Variants in RTP2 observed in about 807,000 individuals in gnomAD.
RTP2 encodes the protein receptor-transporting protein 2.
A neutral mutation model predicts 17.9 loss-of-function variants in RTP2; 12 were observed. The observed-to-expected ratio is 0.67, with a 90% CI of 0.43 to 1.09. The LOEUF (loss-of-function observed/expected upper bound fraction) is 1.09. RTP2 is among the 50% of genes least tolerant of loss of function. The probability of loss-of-function intolerance (pLI) is 0.00; values close to 1 mark genes in which losing one functional copy is unlikely to be tolerated. For synonymous variants in RTP2, 126 were observed against 117.7 expected, an observed-to-expected ratio of 1.07 and a Z score of -0.46; for missense variants, 327 against 295.7, an observed-to-expected ratio of 1.11 and a Z score of -0.78.
intron 1 of RTP2, 62 bp downstream of exon 1, chr3:187,701,903 A>G (rs1016236632): frequency 1.4e-6 from 2 of 1,449,576 alleles, no homozygotes; most frequent in Non-Finnish European, 1.8e-6. Context: ...TCTCCTTGGA[A>G]AGTACCCCAC....
chr3:187,710,226 T>C, the RTP2 span, among the ~76,000 whole-genome samples: 1 of 152,112 alleles, frequency 6.6e-6, no homozygotes, highest in Non-Finnish European at 1.5e-5. Context: ...CAGGCTGGAA[T>C]CTACAAGATC....
chr3:187,700,957 C>G (rs929902420), intron 1 of RTP2, among the ~76,000 whole-genome samples: 4 of 152,188 alleles, frequency 2.6e-5, no homozygotes, highest in African/African-American at 9.7e-5. Context: ...AACGTAAGCT[C>G]CCTACCCACA....
chr3:187,698,400 T>G, exon 2 of RTP2: 1 of 1,065,546 alleles, frequency 9.4e-7, no homozygotes, highest in Non-Finnish European at 1.3e-6. Flanking sequence ...GTGACCGGAT[T>G]GTCCAGTCAT....
chr3:187,702,909 CA>C (rs752719969), upstream of RTP2, among the ~76,000 whole-genome samples: 1 of 152,082 alleles, frequency 6.6e-6, no homozygotes, highest in African/African-American at 2.4e-5. Context: ...AATAACATTT[CA>C]GATTCATAGC....
chr3:187,711,402 G>T, the RTP2 span, among the ~76,000 whole-genome samples: 3 of 152,196 alleles, frequency 2.0e-5, no homozygotes, highest in Admixed American at 2.0e-4. Flanking sequence ...CCGGTTAGAA[G>T]TAAACTCTCA....
the RTP2 span, among the ~76,000 whole-genome samples, chr3:187,713,030 G>A: frequency 6.6e-6 from 1 of 152,200 alleles, no homozygotes; most frequent in Non-Finnish European, 1.5e-5. Context: ...GGGATTTGAT[G>A]CTGTCTCCCA....
the RTP2 span, among the ~76,000 whole-genome samples, chr3:187,712,364 G>T: frequency 6.6e-6 from 1 of 152,006 alleles, no homozygotes; most frequent in Non-Finnish European, 1.5e-5. Context: ...CCTAGTATAT[G>T]GTGAATGTCT....
At chr3:187,701,584 G>A (rs1275451784) in intron 1 of RTP2, among the ~76,000 whole-genome samples, 1 of 152,194 alleles carries the variant, frequency 6.6e-6, no homozygotes, top group African/African-American at 2.4e-5. Flanking sequence ...TAGGAACAGA[G>A]CATAGCTGTA....
At chr3:187,711,358 C>T in the RTP2 span, among the ~76,000 whole-genome samples, 2,171 of 152,290 alleles carry the variant, frequency 0.014, 49 homozygotes, top group African/African-American at 0.049. Context: ...AACACCTGCA[C>T]CATGCACTAT....
the RTP2 span, among the ~76,000 whole-genome samples, chr3:187,710,872 A>T: frequency 6.6e-6 from 1 of 152,094 alleles, no homozygotes; most frequent in Admixed American, 6.5e-5. Context: ...GAGTCAGGAG[A>T]CCTAGATTCT....
chr3:187,699,340 C>A (rs1394735329), intron 1 of RTP2, among the ~76,000 whole-genome samples: 2 of 152,144 alleles, frequency 1.3e-5, no homozygotes, highest in African/African-American at 2.4e-5. Context: ...GGTCATCCCC[C>A]CCTCTCTGGG....
At chr3:187,699,115 A>G (rs1717777988) in intron 1 of RTP2, 104 bp from the exon 2 acceptor site, 1 of 1,351,600 alleles carries the variant, frequency 7.4e-7, no homozygotes, top group Non-Finnish European at 9.9e-7. Flanking sequence ...GTGCTTGGAG[A>G]TGGAGGCAGT....
At chr3:187,707,689 G>A in the RTP2 span, among the ~76,000 whole-genome samples, 3 of 152,168 alleles carry the variant, frequency 2.0e-5, no homozygotes, top group African/African-American at 7.2e-5. Flanking sequence ...TAGAGGGGAC[G>A]TGAAATTACT....
chr3:187,703,687 A>T (rs1188598643), upstream of RTP2, among the ~76,000 whole-genome samples: 1 of 152,230 alleles, frequency 6.6e-6, no homozygotes, highest in African/African-American at 2.4e-5. Flanking sequence ...AGAGGGATCC[A>T]TGAATGGCCA....
At chr3:187,705,768 A>C (rs984372844), upstream of RTP2, among the ~76,000 whole-genome samples, 6 of 152,332 alleles carry the variant, frequency 3.9e-5, no homozygotes, top group Admixed American at 3.9e-4. Flanking sequence ...GAGACTTTAC[A>C]TTCCCAGAAT....
At chr3:187,706,836 C>T (rs1222066962), upstream of RTP2, among the ~76,000 whole-genome samples, 2 of 152,118 alleles carry the variant, frequency 1.3e-5, no homozygotes, top group African/African-American at 4.8e-5. Context: ...CTCCTGACGT[C>T]GTGATCCACC....
chr3:187,699,134 C>CCT, intron 1 of RTP2, 123 bp from the exon 2 acceptor site: 3 of 1,200,546 alleles, frequency 2.5e-6, no homozygotes, highest in Non-Finnish European at 3.4e-6. Context: ...GTGTTTACTG[C>CCT]CCTGTGGATT....
At chr3:187,714,965 GA>G in the RTP2 span, among the ~76,000 whole-genome samples, 29,031 of 148,056 alleles carry the variant, frequency 0.2, 3,079 homozygotes, top group African/African-American at 0.28. Flanking sequence ...TGTACGTTAG[GA>G]AAAAAAAAAC....
chr3:187,711,964 G>A, the RTP2 span, among the ~76,000 whole-genome samples: 1 of 152,142 alleles, frequency 6.6e-6, no homozygotes, highest in Non-Finnish European at 1.5e-5. Context: ...CAGATCAGCG[G>A]TTGCCAGAGG....
Sources: allele counts gnomAD v4.1 joint callset (sites outside exome capture counted in the v4.1 genomes callset), GRCh38; gene constraint gnomAD v4.1.1; transcripts MANE v1.5; gene names NCBI Gene and HGNC (gene_info 2026-07-23, HGNC 2026-07-21).